PCLO: variants seen among roughly 807,000 people sequenced by gnomAD.
PCLO encodes the protein piccolo presynaptic cytomatrix protein, also known as protein piccolo.
In PCLO, 82 loss-of-function variants were observed where a neutral mutation model predicts 427.5. The ratio of observed to expected loss-of-function variants is 0.19; its 90% confidence interval spans 0.16 to 0.23. PCLO has a LOEUF of 0.23. PCLO is among the 10% of genes least tolerant of loss of function. The pLI is 1.00. For missense variants in PCLO, 6,239 were observed against 6,115.9 expected (o/e 1.02, Z -0.67); for synonymous variants, 2,357 against 2,155.4 (o/e 1.09, Z -2.59).
intron 17 of PCLO, among the ~76,000 whole-genome samples, chr7:82,827,109 A>C (rs1791963842): frequency 6.6e-6 from 1 of 152,052 alleles, no homozygotes; most frequent in Admixed American, 6.6e-5. Flanking sequence ...TCACAAACCC[A>C]GATTATAATT....
At chr7:83,129,003 T>C (rs2116594428) in intron 3 of PCLO, among the ~76,000 whole-genome samples, 1 of 152,306 alleles carries the variant, frequency 6.6e-6, no homozygotes, top group Middle Eastern at 3.4e-3. Flanking sequence ...TACAAATTTG[T>C]TGGTATTAAA....
Position 82,868,965 on chromosome 7 carries a change from G to C in PCLO, c.13654+10372C>G, listed in dbSNP as rs116652409. 6.4e-3 allele frequency among the ~76,000 whole-genome samples: 969 copies of C among 152,188 alleles called. 13 individuals are homozygous for C. The highest frequency in any genetic ancestry group is 0.022 in the African/African-American group (914 of 41,550). On this transcript the variant is annotated intron_variant, in intron 10 of 24. Transcript: ENST00000333891. ...ATTGGATATATGATATTTAGTCCTT[G>C]TGGATTCATTGTTCTCTTACAAAAA...
chr7:83,041,602 T>C lies in PCLO; in HGVS notation c.3301-75115A>G, dbSNP rs1788975146. Reference sequence around the variant, plus strand: ...AAATCTAGCAATAGCATCATTTTCATTTTTAATATCTTTTCAAGCAATTCT... The same window carrying C: ...AAATCTAGCAATAGCATCATTTTCACTTTTAATATCTTTTCAAGCAATTCT... On this transcript the variant is annotated intron_variant, in intron 3 of 24. Coordinates refer to ENST00000333891, the MANE Select transcript of PCLO (RefSeq NM_033026.6). Among the ~76,000 whole-genome samples, 3 of 152,150 alleles carry C rather than the reference T, an allele frequency of 2.0e-5. No individual in the cohort carries two copies. The South Asian group carries it at 6.2e-4, about 31-fold the overall frequency.
At chr7:82,851,099 C>A (rs1792641947) in intron 10 of PCLO, among the ~76,000 whole-genome samples, 1 of 151,918 alleles carries the variant, frequency 6.6e-6, no homozygotes, top group Non-Finnish European at 1.5e-5. Context: ...AATTTATTAA[C>A]ATGTAATTAT....
intron 3 of PCLO, among the ~76,000 whole-genome samples, chr7:83,075,701 C>T (rs975610906): frequency 6.6e-5 from 10 of 152,026 alleles, no homozygotes; most frequent in Admixed American, 2.0e-4. Flanking sequence ...GTTAAAATTT[C>T]GGGAAATTAC....
At chr7:82,878,853 A>T (rs1228898355) in intron 10 of PCLO, among the ~76,000 whole-genome samples, 1 of 152,192 alleles carries the variant, frequency 6.6e-6, no homozygotes, top group Non-Finnish European at 1.5e-5. Context: ...CCCAGGCTTG[A>T]TATGTAAATT....
At chr7:82,868,642 T>C (rs1584076055) in intron 10 of PCLO, among the ~76,000 whole-genome samples, 1 of 152,208 alleles carries the variant, frequency 6.6e-6, no homozygotes, top group East Asian at 1.9e-4. Flanking sequence ...ATTACAAGTC[T>C]TATGGCCTTG....
intron 3 of PCLO, among the ~76,000 whole-genome samples, chr7:83,059,621 C>G (rs1342810951): frequency 2.6e-5 from 4 of 151,858 alleles, no homozygotes; most frequent in Non-Finnish European, 5.9e-5. Context: ...GCATTATTGA[C>G]AAAGAACTTG....
intron 22 of PCLO, among the ~76,000 whole-genome samples, chr7:82,796,475 T>G (rs17156681): frequency 0.026 from 4,004 of 152,186 alleles, 187 homozygotes; most frequent in African/African-American, 0.091. Flanking sequence ...CAGTCTGAAC[T>G]TGGCCTCATT....
In PCLO at chr7:82,841,516, T is replaced by C; in HGVS notation, c.14047-7A>G. The C allele has an allele frequency of 6.6e-7, 1 of 1,520,140 alleles. No individual in the cohort carries two copies. Among genetic ancestry groups the C allele is most frequent in the Non-Finnish European group, 9.1e-7 (1 of 1,095,982 alleles). 94.2% of individuals were successfully genotyped at this position (1,520,140 alleles called of 1,614,324 possible). A position where few individuals can be genotyped will look rare whatever the true frequency, so the allele number is the denominator to read the frequency against. On this transcript the variant is annotated splice_polypyrimidine_tract_variant and splice_region_variant and intron_variant, in intron 13 of 24. Transcript: ENST00000333891. ...CCTTTGTTCCATCGGTAGGCTGTAATATTAAAGAACATATATTACATTAAT... is the reference window on the plus strand; with the variant it reads ...CCTTTGTTCCATCGGTAGGCTGTAACATTAAAGAACATATATTACATTAAT...
chr7:82,815,238 C>A (rs1562798313), intron 20 of PCLO, among the ~76,000 whole-genome samples: 1 of 151,592 alleles, frequency 6.6e-6, no homozygotes, highest in Non-Finnish European at 1.5e-5. Flanking sequence ...GCACAGAAAC[C>A]CGGAGTAAAT....
chr7:83,136,836 T>C (rs1366054633), intron 2 of PCLO, among the ~76,000 whole-genome samples: 1 of 152,222 alleles, frequency 6.6e-6, no homozygotes, highest in African/African-American at 2.4e-5. Context: ...TTGCATCTAT[T>C]GTGAAAAGAT....
rs17156895 is a variant in PCLO at position 82,956,348 on chromosome 7, T to G, written c.4605A>C (p.Ser1535=). Residue 1535 remains serine, a synonymous_variant, in exon 5 of 25, where the codon TCA becomes TCC. Coordinates refer to ENST00000333891, the MANE Select transcript of PCLO (RefSeq NM_033026.6). ...CCTGTTTATACTCATCACTGCTTGATGAGCCAACACTAGTTCTTCGTTTTC... is the reference window on the plus strand; with the variant it reads ...CCTGTTTATACTCATCACTGCTTGAGGAGCCAACACTAGTTCTTCGTTTTC... ...PQRKRRTSVG[S]SSSDEYKQED... is the part of the protein sequence containing the mutation. The G allele has an allele frequency of 6.2e-7, 1 of 1,613,184 alleles. No individual in the cohort carries two copies.
chr7:83,161,962 CAG>C (rs1480375673), intron 1 of PCLO, among the ~76,000 whole-genome samples: 2 of 152,190 alleles, frequency 1.3e-5, no homozygotes, highest in African/African-American at 4.8e-5. Flanking sequence ...GAGGTTTAAA[CAG>C]AGACAGGTAA....
intron 2 of PCLO, 128 bp downstream of exon 2, chr7:83,154,620 C>T (rs1407189702): frequency 1.8e-5 from 13 of 729,836 alleles, no homozygotes; most frequent in African/African-American, 1.8e-5. Context: ...GAAAACAAAA[C>T]GAACGAAGGA....
intron 10 of PCLO, among the ~76,000 whole-genome samples, chr7:82,860,647 A>G (rs1792929170): frequency 6.6e-6 from 1 of 152,084 alleles, no homozygotes; most frequent in Non-Finnish European, 1.5e-5. Context: ...TAGTATGTAC[A>G]CAGAGAAACA....
chr7:82,975,689 T>C (rs1416701117), intron 3 of PCLO, among the ~76,000 whole-genome samples: 1 of 152,132 alleles, frequency 6.6e-6, no homozygotes, highest in Non-Finnish European at 1.5e-5. Context: ...ATTGTTTGGC[T>C]CTGTGTCCCC....
intron 20 of PCLO, chr7:82,821,378 T>G (rs998979810): frequency 3.0e-6 from 3 of 985,656 alleles, no homozygotes; most frequent in African/African-American, 1.7e-5. Context: ...CAAACAGAAG[T>G]GCTCTTTTGC....
chr7:82,758,699 T>C lies in PCLO; in HGVS notation c.15305A>G (p.Asn5102Ser). 3 of 1,599,016 alleles carry C rather than the reference T, an allele frequency of 1.9e-6. No homozygotes were observed. The highest frequency in any genetic ancestry group is 2.2e-5 in the East Asian group (1 of 44,724). ...GGTCTTTTTCATAAACTTCCCTCCA[T>C]TGGAGAAAAGTAAAATCTAGAAAAA... is the stretch of plus-strand genomic sequence containing the variant. ...GHSLQILLFS[N>S]GGKFMKKTLI... is the part of the protein sequence containing the mutation. Residue 5102 changes from asparagine to serine, a missense_variant, in exon 25 of 25, where the codon AAT becomes AGT. Asn to Ser is a conservative substitution (Grantham distance 46). Around this residue, in one of 5 missense-constraint regions of PCLO, gnomAD observed 877 missense variants for 925.5 expected, o/e 0.95. Transcript: ENST00000333891.
Sources: allele counts gnomAD v4.1 joint callset (sites outside exome capture counted in the v4.1 genomes callset), GRCh38; gene constraint gnomAD v4.1.1; regional missense constraint gnomAD v4.1.1; transcripts MANE v1.5; gene names NCBI Gene and HGNC (gene_info 2026-07-23, HGNC 2026-07-21).